TLE4: variants seen among roughly 807,000 people sequenced by gnomAD.
The protein encoded by TLE4 is TLE family member 4, transcriptional corepressor, also known as transducin-like enhancer protein 4.
Under a neutral mutation model 92.8 loss-of-function variants are expected in TLE4, and 8 were observed. The ratio of observed to expected loss-of-function variants is 0.09; its 90% CI spans 0.05 to 0.16. TLE4 has a LOEUF of 0.16. Among genes scored for constraint, TLE4 ranks in the 10% least tolerant of loss-of-function variants. TLE4 has a pLI of 1.00. For synonymous variants in TLE4, 371 were observed against 374.1 expected, an observed-to-expected ratio of 0.99 and a Z score of 0.10; for missense variants, 675 against 997.6, an observed-to-expected ratio of 0.68 and a Z score of 4.36.
intron 8 of TLE4, among the ~76,000 whole-genome samples, chr9:79,660,416 A>G (rs1183811759): frequency 6.6e-6 from 1 of 152,252 alleles, no homozygotes; most frequent in Non-Finnish European, 1.5e-5. Flanking sequence ...AAGTGAGGAA[A>G]TCATTTGAGG....
At chr9:79,628,580 C>T (rs1408975026) in intron 6 of TLE4, among the ~76,000 whole-genome samples, 2 of 135,996 alleles carry the variant, frequency 1.5e-5, no homozygotes, top group African/African-American at 5.4e-5. Context: ...TCCCTCTGAC[C>T]AAAAAAAAAA....
chr9:79,686,488 T>G (rs2065878936), intron 8 of TLE4, among the ~76,000 whole-genome samples: 1 of 152,176 alleles, frequency 6.6e-6, no homozygotes. Flanking sequence ...CGAGTTAAGA[T>G]GAGGTCATCC....
intron 5 of TLE4, among the ~76,000 whole-genome samples, chr9:79,622,933 A>G (rs901174099): frequency 2.0e-5 from 3 of 152,136 alleles, no homozygotes; most frequent in Non-Finnish European, 4.4e-5. Flanking sequence ...GGAGACTTTA[A>G]TTAATATTGT....
At chr9:79,704,406 C>T (rs935002774) in intron 8 of TLE4, among the ~76,000 whole-genome samples, 1 of 152,180 alleles carries the variant, frequency 6.6e-6, no homozygotes, top group African/African-American at 2.4e-5. Flanking sequence ...AATCACCATG[C>T]CCAGCCCCTT....
intron 8 of TLE4, among the ~76,000 whole-genome samples, chr9:79,694,378 T>A (rs2067746499): frequency 6.6e-6 from 1 of 152,206 alleles, no homozygotes. Context: ...TGGAGTGCTC[T>A]TGTCTGGTTA....
At chr9:79,581,183 A>G (rs2039557740) in intron 4 of TLE4, among the ~76,000 whole-genome samples, 2 of 152,150 alleles carry the variant, frequency 1.3e-5, no homozygotes, top group Admixed American at 1.3e-4. Flanking sequence ...TGTTTAGTAA[A>G]TCTAAATGAG....
intron 4 of TLE4, chr9:79,601,583 A>T (rs2045673919): frequency 4.7e-6 from 2 of 423,910 alleles, no homozygotes; most frequent in South Asian, 3.4e-5. Context: ...GTGATCTTTG[A>T]TGTTACTATT....
intron 8 of TLE4, among the ~76,000 whole-genome samples, chr9:79,680,534 A>G (rs2064298264): frequency 6.6e-6 from 1 of 152,122 alleles, no homozygotes; most frequent in Non-Finnish European, 1.5e-5. Context: ...GGGCTGAGAC[A>G]ATGGAGTTTT....
chr9:79,683,594 G>T (rs2065185673), intron 8 of TLE4, among the ~76,000 whole-genome samples: 1 of 152,148 alleles, frequency 6.6e-6, no homozygotes, highest in Non-Finnish European at 1.5e-5. Context: ...TCTAAATTAT[G>T]TAAGTTACAT....
chr9:79,724,940 C>T (rs1016703794), intron 19 of TLE4, 97 bp from the exon 20 acceptor site: 28 of 700,662 alleles, frequency 4.0e-5, no homozygotes, highest in Non-Finnish European at 4.2e-5. Context: ...TCTGTTTGGT[C>T]AAGGAGCACA....
intron 16 of TLE4, among the ~76,000 whole-genome samples, chr9:79,720,606 A>G (rs2136238937): frequency 6.6e-6 from 1 of 152,268 alleles, no homozygotes; most frequent in African/African-American, 2.4e-5. Flanking sequence ...AAATGAGGTC[A>G]ATTTGACATA....
chr9:79,664,714 A>G (rs2061106875), intron 8 of TLE4, among the ~76,000 whole-genome samples: 1 of 151,406 alleles, frequency 6.6e-6, no homozygotes, highest in Non-Finnish European at 1.5e-5. Flanking sequence ...TCCCGCTGCC[A>G]CTTCTTCCCT....
At chr9:79,649,443 C>A (rs1453269724) in intron 6 of TLE4, 1 of 165,714 alleles carries the variant, frequency 6.0e-6, no homozygotes, top group African/African-American at 2.4e-5. Flanking sequence ...GATTTCTGTT[C>A]CCCTGAAAAG....
intron 4 of TLE4, among the ~76,000 whole-genome samples, chr9:79,607,934 A>T (rs1443859392): frequency 6.6e-6 from 1 of 151,738 alleles, no homozygotes; most frequent in African/African-American, 2.4e-5. Flanking sequence ...CAATTCTGAG[A>T]CTTTGCTGAA....
chr9:79,681,500 G>T (rs1019962060), intron 8 of TLE4, among the ~76,000 whole-genome samples: 1 of 152,082 alleles, frequency 6.6e-6, no homozygotes, highest in Admixed American at 6.6e-5. Context: ...CAGCATACAT[G>T]CCTGGTAAAG....
intron 4 of TLE4, among the ~76,000 whole-genome samples, chr9:79,593,823 A>G (rs927791499): frequency 6.6e-6 from 1 of 152,218 alleles, no homozygotes; most frequent in Non-Finnish European, 1.5e-5. Context: ...CAAAAAATTA[A>G]TGATACAATG....
At chr9:79,687,980 A>G (rs942171080) in intron 8 of TLE4, among the ~76,000 whole-genome samples, 3 of 152,206 alleles carry the variant, frequency 2.0e-5, no homozygotes, top group Non-Finnish European at 2.9e-5. Flanking sequence ...GCTGTTGGAC[A>G]GTGGACCACA....
chr9:79,673,643 C>A (rs987483437), intron 8 of TLE4, among the ~76,000 whole-genome samples: 10 of 152,250 alleles, frequency 6.6e-5, no homozygotes, highest in African/African-American at 2.2e-4. Flanking sequence ...TTCCTCCTTG[C>A]CTATTTTAGT....
In TLE4 at chr9:79,593,335, C is replaced by T. The variant is rs779130049; in HGVS notation, c.252+17158C>T. Among the ~76,000 whole-genome samples, 298 of 152,098 alleles carry T rather than the reference C, an allele frequency of 2.0e-3. 6 individuals are homozygous for T. The highest frequency in any genetic ancestry group is 2.6e-3 in the Non-Finnish European group (178 of 68,024). On this transcript the variant is annotated intron_variant, in intron 4 of 19. Coordinates refer to ENST00000376552, the MANE Select transcript of TLE4 (RefSeq NM_007005.6). ...GCAGCTTTTAATTTCCTTCATTCCACCCACACCTCCTACCACACACCCATG... is the reference window on the plus strand; with the variant it reads ...GCAGCTTTTAATTTCCTTCATTCCATCCACACCTCCTACCACACACCCATG...
Sources: allele counts gnomAD v4.1 joint callset (sites outside exome capture counted in the v4.1 genomes callset), GRCh38; gene constraint gnomAD v4.1.1; transcripts MANE v1.5; gene names NCBI Gene and HGNC (gene_info 2026-07-23, HGNC 2026-07-21).